SEM1: variants seen among roughly 807,000 people sequenced by gnomAD.
SEM1 encodes the protein SEM1 26S proteasome subunit.
In SEM1, 3 loss-of-function variants were observed where a neutral mutation model predicts 12.7. The ratio of observed to expected loss-of-function variants is 0.24; its 90% CI spans 0.11 to 0.61. The LOEUF is 0.61. SEM1 is among the 20% of genes least tolerant of loss of function. The probability of loss-of-function intolerance (pLI) is 0.88; values close to 1 mark genes in which losing one functional copy is unlikely to be tolerated. For synonymous variants in SEM1, 30 were observed against 27.8 expected, an observed-to-expected ratio of 1.08 and a Z score of -0.25; for missense variants, 59 against 81.3, an observed-to-expected ratio of 0.73 and a Z score of 1.06.
intron 2 of SEM1, among the ~76,000 whole-genome samples, chr7:96,604,859 C>T (rs1347424994): frequency 6.6e-6 from 1 of 151,154 alleles, no homozygotes; most frequent in African/African-American, 2.4e-5. Flanking sequence ...GCAGAGGTTG[C>T]AGCGAGCCAA....
At chr7:96,676,834 C>CGG (rs1468507870) in intron 2 of SEM1, among the ~76,000 whole-genome samples, 1 of 152,196 alleles carries the variant, frequency 6.6e-6, no homozygotes, top group African/African-American at 2.4e-5. Context: ...AGAGTCACCA[C>CGG]ACCTTCCATT....
chr7:96,495,330 C>T (rs1263928260), intron 1 of SEM1, among the ~76,000 whole-genome samples: 1 of 152,220 alleles, frequency 6.6e-6, no homozygotes, highest in African/African-American at 2.4e-5. Context: ...ACTTTCTGTT[C>T]TCTTCTCTTT....
chr7:96,667,849 T>A (rs1789211557), intron 2 of SEM1, among the ~76,000 whole-genome samples: 1 of 152,214 alleles, frequency 6.6e-6, no homozygotes, highest in Non-Finnish European at 1.5e-5. Context: ...CAGGTAAATA[T>A]GACCTGGTTA....
chr7:96,709,210 C>T (rs932732073), intron 1 of SEM1, among the ~76,000 whole-genome samples: 2 of 152,096 alleles, frequency 1.3e-5, no homozygotes, highest in African/African-American at 4.8e-5. Context: ...TTAAGCACCC[C>T]GTATCTTACC....
intron 2 of SEM1, among the ~76,000 whole-genome samples, chr7:96,565,014 G>T (rs1805803562): frequency 6.6e-6 from 1 of 151,892 alleles, no homozygotes; most frequent in Non-Finnish European, 1.5e-5. Context: ...ATTTTGATGT[G>T]CATTTTCACA....
intron 2 of SEM1, among the ~76,000 whole-genome samples, chr7:96,580,037 T>TATA (rs1267019062): frequency 1.3e-5 from 2 of 151,108 alleles, no homozygotes; most frequent in East Asian, 3.9e-4. Context: ...GTTACATATG[T>TATA]ATACATGTGC....
chr7:96,565,864 A>T (rs1011601985), intron 2 of SEM1, among the ~76,000 whole-genome samples: 3 of 151,850 alleles, frequency 2.0e-5, no homozygotes, highest in Non-Finnish European at 1.5e-5. Context: ...GTTCCCACAG[A>T]TCTTCTTCAC....
chr7:96,678,505 A>G (rs1162924096), intron 2 of SEM1, among the ~76,000 whole-genome samples: 1 of 152,172 alleles, frequency 6.6e-6, no homozygotes, highest in Non-Finnish European at 1.5e-5. Context: ...CATCTAGATC[A>G]CTGTTATCAA....
In SEM1 at chr7:96,631,798, G is replaced by C. The variant is rs571565879; in HGVS notation, c.171-9155C>G. On this transcript the variant is annotated intron_variant, in intron 2 of 2. Transcript: ENST00000417009. ...CAGAATGGGAGAAAATTTTTGCAAT[G>C]TATCCATCTGACAAAGGGCTAATAT... Among the ~76,000 whole-genome samples the C allele has an allele frequency of 1.6e-4, 25 of 152,078 alleles. No homozygotes were observed. The East Asian group carries it at 4.3e-3, about 26-fold the overall frequency.
intron 2 of SEM1, among the ~76,000 whole-genome samples, chr7:96,662,896 C>T (rs963180666): frequency 6.6e-6 from 1 of 152,090 alleles, no homozygotes; most frequent in Non-Finnish European, 1.5e-5. Context: ...TGTTCCTGAA[C>T]AAGATGTAGA....
chr7:96,684,382 C>T (rs948429311), downstream of SEM1, among the ~76,000 whole-genome samples: 3 of 151,990 alleles, frequency 2.0e-5, no homozygotes, highest in Non-Finnish European at 4.4e-5. Context: ...ATGAAACACA[C>T]CCCACCCTGA....
upstream of SEM1, among the ~76,000 whole-genome samples, chr7:96,501,118 C>T (rs1803521546): frequency 6.6e-6 from 1 of 152,130 alleles, no homozygotes; most frequent in South Asian, 2.1e-4. Context: ...TAACCCTCTG[C>T]ACGTTCTAAG....
At chr7:96,567,910 ACACACACATACACACACACATG>A (rs1805894526) in intron 2 of SEM1, among the ~76,000 whole-genome samples, 1 of 140,216 alleles carries the variant, frequency 7.1e-6, no homozygotes, top group Admixed American at 6.8e-5. Context: ...AATGACTGAT[ACACACACATACACACACACATG>A]CACACACATA....
chr7:96,609,949 C>T (rs1434208089), intron 2 of SEM1, among the ~76,000 whole-genome samples: 1 of 152,204 alleles, frequency 6.6e-6, no homozygotes, highest in Non-Finnish European at 1.5e-5. Context: ...GTAACCTCAC[C>T]TTCATTCCTG....
intron 2 of SEM1, among the ~76,000 whole-genome samples, chr7:96,651,720 C>T (rs1808994293): frequency 6.6e-6 from 1 of 152,124 alleles, no homozygotes; most frequent in Non-Finnish European, 1.5e-5. Context: ...TACAGGCATG[C>T]ACCACCACAC....
chr7:96,692,250 T>C (rs1440939898), intron 2 of SEM1, among the ~76,000 whole-genome samples: 1 of 152,216 alleles, frequency 6.6e-6, no homozygotes, highest in African/African-American at 2.4e-5. Context: ...TTCAACAATG[T>C]ATCAATCAGT....
chr7:96,581,261 G>C (rs1806395079), intron 2 of SEM1, among the ~76,000 whole-genome samples: 1 of 152,106 alleles, frequency 6.6e-6, no homozygotes, highest in South Asian at 2.1e-4. Context: ...TCTCAGGTTT[G>C]TCAAAGATCA....
At chr7:96,693,760 T>TGTG (rs1790002060) in intron 2 of SEM1, among the ~76,000 whole-genome samples, 22 of 139,640 alleles carry the variant, frequency 1.6e-4, no homozygotes, top group African/African-American at 5.3e-4. Flanking sequence ...ACAATTCCAC[T>TGTG]TGTGTGTGTG....
At chr7:96,679,708 CA>C (rs1363077077) in intron 2 of SEM1, among the ~76,000 whole-genome samples, 1 of 152,072 alleles carries the variant, frequency 6.6e-6, no homozygotes, top group African/African-American at 2.4e-5. Flanking sequence ...GCTTATTACA[CA>C]GATTTGTGAC....
Sources: gnomAD v4.1 joint callset for allele counts (sites outside exome capture counted in the v4.1 genomes callset) on GRCh38, gnomAD v4.1.1 for gene constraint, MANE v1.5 for transcripts, NCBI Gene and HGNC (gene_info 2026-07-23, HGNC 2026-07-21) for gene names.